Variants in TMEM260 observed in about 807,000 individuals in gnomAD.
The protein encoded by TMEM260 is transmembrane protein 260, also known as protein O-mannosyl-transferase TMEM260.
TMEM260 carries 82 observed loss-of-function variants against 88.9 expected under a neutral mutation model. The ratio of observed to expected loss-of-function variants is 0.92; its 90% CI spans 0.77 to 1.11. The LOEUF (loss-of-function observed/expected upper bound fraction) is 1.11. Among genes scored for constraint, TMEM260 ranks in the 50% least tolerant of loss-of-function variants. The pLI, the probability that TMEM260 is intolerant of heterozygous loss-of-function variation, is 0.00. For synonymous variants in TMEM260, 314 were observed against 309.3 expected, an observed-to-expected ratio of 1.02 and a Z score of -0.16; for missense variants, 902 against 853.4, an observed-to-expected ratio of 1.06 and a Z score of -0.71.
chr14:56,601,433 T>A (rs183750060), intron 3 of TMEM260, among the ~76,000 whole-genome samples: 2 of 152,154 alleles, frequency 1.3e-5, no homozygotes, highest in Non-Finnish European at 2.9e-5. Context: ...GTCCTATTAC[T>A]AATGCTGTTA....
At chr14:56,580,184 T>TCC in intron 1 of TMEM260, 110 bp downstream of exon 1, 1 of 861,290 alleles carries the variant, frequency 1.2e-6, no homozygotes, top group South Asian at 6.1e-5. Context: ...GCTCTGGGCC[T>TCC]CCATCCACCC....
chr14:56,628,859 T>A, intron 12 of TMEM260, among the ~76,000 whole-genome samples: 1 of 152,028 alleles, frequency 6.6e-6, no homozygotes, highest in Middle Eastern at 3.4e-3. Context: ...GTATGTCTAC[T>A]ATTATCTTTT....
rs774986708 is a variant in TMEM260, at chr14:56,609,275, C to T, written c.806C>T (p.Thr269Ile). The change falls in exon 6 of 16, where the codon ACC becomes ATC. Residue 269 changes from threonine (T) to isoleucine (I), a missense_variant. Transcript: ENST00000261556. Reference sequence around the variant, plus strand: ...CATTTTCTCAGGGAAGAATATGGAACCTTCAGCCTGGTAAATTCAGATTTA... The same window carrying T: ...CATTTTCTCAGGGAAGAATATGGAATCTTCAGCCTGGTAAATTCAGATTTA... ...LTHFLREEYG[T>I]FSLAKSEIGS... 1.9e-6 allele frequency: 3 copies of T among 1,613,818 alleles called. No individual in the cohort carries two copies. In the Admixed American group the frequency reaches 5.0e-5, roughly 27 times the overall value.
chr14:56,603,689 A>G lies in TMEM260; in HGVS notation c.345-126A>G, dbSNP rs77348004. 3,145 of 918,162 alleles carry G rather than the reference A, an allele frequency of 3.4e-3. 72 individuals carry two copies. The African/African-American group carries it at 0.048, about 14-fold the overall frequency. 56.9% of individuals were successfully genotyped at this position (918,162 alleles called of 1,614,324 possible). A position where few individuals can be genotyped will look rare whatever the true frequency, so the allele number is the denominator to read the frequency against. On this transcript the variant is annotated intron_variant, in intron 3 of 15. Transcript: ENST00000261556. ...AATTATTATATGAGTTAATGTATTA[A>G]CCATATAATGTGTTGGAGTAGTGCT... is the stretch of plus-strand genomic sequence containing the variant.
intron 3 of TMEM260, among the ~76,000 whole-genome samples, chr14:56,595,417 A>G (rs1886144018): frequency 6.6e-6 from 1 of 152,244 alleles, no homozygotes; most frequent in Non-Finnish European, 1.5e-5. Context: ...GAGAAAATTA[A>G]GGAACCTTCT....
intron 15 of TMEM260, among the ~76,000 whole-genome samples, chr14:56,645,384 A>AT (rs918700153): frequency 5.3e-5 from 8 of 152,228 alleles, no homozygotes; most frequent in Non-Finnish European, 1.0e-4. Flanking sequence ...TGAGCAAACT[A>AT]TCGCAAGGAC....
intron 12 of TMEM260, among the ~76,000 whole-genome samples, chr14:56,632,696 C>T (rs1566567799): frequency 6.6e-6 from 1 of 152,042 alleles, no homozygotes; most frequent in African/African-American, 2.4e-5. Flanking sequence ...GCGATTCTCC[C>T]ACCTCAGCCC....
At chr14:56,598,742 G>T (rs1382440888) in intron 3 of TMEM260, among the ~76,000 whole-genome samples, 2 of 152,100 alleles carry the variant, frequency 1.3e-5, no homozygotes, top group African/African-American at 4.8e-5. Flanking sequence ...GACATAACTT[G>T]CTGTGTCCTG....
At position 56,633,152 on chromosome 14, in the gene TMEM260, T is replaced by C; in HGVS notation, c.1705T>C (p.Trp569Arg). The change falls in exon 13 of 16, where the codon TGG becomes CGG. Residue 569 changes from tryptophan to arginine, a missense_variant. By Grantham distance (101) the Trp-to-Arg change is moderately radical. Transcript: ENST00000261556. The stretch of plus-strand genomic sequence containing the variant: ...TAAACTTACAAAAAGTATCTATAAC[T>C]GGACCGAAGAATATGGAAGGTATGA... ...WIKLTKSIYN[W>R]TEEYGRFDPS... is the part of the protein sequence containing the mutation. 1.2e-6 allele frequency: 2 copies of C among 1,612,416 alleles called. No homozygotes were observed. Among genetic ancestry groups the C allele is most frequent in the Non-Finnish European group, 1.7e-6 (2 of 1,179,226 alleles).
chr14:56,603,241 A>C (rs547398363), intron 3 of TMEM260, among the ~76,000 whole-genome samples: 1 of 105,920 alleles, frequency 9.4e-6, no homozygotes, highest in Non-Finnish European at 2.2e-5. Context: ...TTTTAACTTC[A>C]CCGTTGTCTA....
At chr14:56,619,412 A>G (rs1887779481) in intron 10 of TMEM260, 1 of 152,070 alleles carries the variant, frequency 6.6e-6, no homozygotes, top group African/African-American at 2.4e-5. Flanking sequence ...GTCTCAAGCA[A>G]GCCTCCCTCT....
At chr14:56,627,093 G>A (rs997845912) in intron 12 of TMEM260, among the ~76,000 whole-genome samples, 1 of 151,468 alleles carries the variant, frequency 6.6e-6, no homozygotes, top group Non-Finnish European at 1.5e-5. Flanking sequence ...TCTATTTTTG[G>A]GATATTCTGT....
At chr14:56,643,885 A>G (rs1453948665) in intron 15 of TMEM260, among the ~76,000 whole-genome samples, 2 of 152,212 alleles carry the variant, frequency 1.3e-5, no homozygotes, top group African/African-American at 4.8e-5. Flanking sequence ...GAGGCAAATC[A>G]TGAGTGAACT....
At chr14:56,597,376 G>C (rs185983697) in intron 3 of TMEM260, among the ~76,000 whole-genome samples, 11 of 152,270 alleles carry the variant, frequency 7.2e-5, no homozygotes, top group African/African-American at 2.2e-4. Flanking sequence ...TCTGGTCCCA[G>C]GCATTTCAGA....
chr14:56,591,214 T>G (rs1304971944), intron 3 of TMEM260, among the ~76,000 whole-genome samples: 1 of 152,218 alleles, frequency 6.6e-6, no homozygotes, highest in Non-Finnish European at 1.5e-5. Flanking sequence ...TGCACATATT[T>G]CTTTAAATTA....
chr14:56,582,016 T>C (rs559703704), intron 1 of TMEM260, among the ~76,000 whole-genome samples: 26 of 152,308 alleles, frequency 1.7e-4, no homozygotes, highest in African/African-American at 4.8e-4. Context: ...TTTTGTTTGG[T>C]TTGATGTTAA....
intron 14 of TMEM260, among the ~76,000 whole-genome samples, chr14:56,635,827 G>A (rs1385110368): frequency 6.9e-6 from 1 of 145,594 alleles, no homozygotes; most frequent in East Asian, 2.0e-4. Context: ...AAATACAGCT[G>A]CAAAATAATG....
downstream of TMEM260, among the ~76,000 whole-genome samples, chr14:56,652,638 A>G (rs1210893367): frequency 3.9e-5 from 6 of 152,198 alleles, no homozygotes; most frequent in African/African-American, 1.4e-4. Context: ...TGACAGGTGA[A>G]AGTTTTCAAA....
At chr14:56,580,539 G>A (rs1470517987) in intron 1 of TMEM260, among the ~76,000 whole-genome samples, 1 of 152,208 alleles carries the variant, frequency 6.6e-6, no homozygotes, top group Admixed American at 6.5e-5. Context: ...GAGACAGTAG[G>A]AGGGAAATAT....
Sources: allele counts gnomAD v4.1 joint callset (sites outside exome capture counted in the v4.1 genomes callset), GRCh38; gene constraint gnomAD v4.1.1; transcripts MANE v1.5; gene names NCBI Gene and HGNC (gene_info 2026-07-23, HGNC 2026-07-21).